Variants in ASB3 observed in about 807,000 individuals in gnomAD.
ASB3 encodes ankyrin repeat and SOCS box protein 3.
In ASB3, 41 loss-of-function variants were observed where a neutral mutation model predicts 54.5. That is an observed-to-expected ratio of 0.75 (90% CI 0.59 to 0.98). The LOEUF is 0.98. ASB3 is among the 50% of genes least tolerant of loss of function. The pLI is 0.00. For synonymous variants in ASB3, 266 were observed against 221.2 expected, an observed-to-expected ratio of 1.20 and a Z score of -1.80; for missense variants, 733 against 620.0, an observed-to-expected ratio of 1.18 and a Z score of -1.94.
intron 6 of ASB3, among the ~76,000 whole-genome samples, chr2:53,716,050 C>G (rs1385216508): frequency 6.6e-6 from 1 of 151,988 alleles, no homozygotes; most frequent in Non-Finnish European, 1.5e-5. Context: ...CAGGTATAAC[C>G]AAGTTACTAG....
intron 2 of ASB3, among the ~76,000 whole-genome samples, chr2:53,759,641 A>G (rs1174606919): frequency 6.6e-6 from 1 of 152,176 alleles, no homozygotes; most frequent in Non-Finnish European, 1.5e-5. Flanking sequence ...AAGGCTCTGG[A>G]ACAGGGAAAG....
chr2:53,720,258 T>C (rs1158436944), intron 5 of ASB3, among the ~76,000 whole-genome samples: 1 of 152,188 alleles, frequency 6.6e-6, no homozygotes, highest in Non-Finnish European at 1.5e-5. Flanking sequence ...TATATGTTGA[T>C]TGATGTCTCA....
At chr2:53,738,595 A>AGAATT (rs939286015) in intron 3 of ASB3, among the ~76,000 whole-genome samples, 2 of 152,222 alleles carry the variant, frequency 1.3e-5, no homozygotes, top group Non-Finnish European at 2.9e-5. Flanking sequence ...TCTAGAGATT[A>AGAATT]GAATTGAATT....
At chr2:53,743,594 T>C (rs1169135649) in intron 3 of ASB3, among the ~76,000 whole-genome samples, 5 of 152,134 alleles carry the variant, frequency 3.3e-5, no homozygotes, top group Non-Finnish European at 7.4e-5. Flanking sequence ...GTAAGAACAA[T>C]ATAAGGATAC....
At chr2:53,748,859 G>A (rs1033075734) in intron 3 of ASB3, among the ~76,000 whole-genome samples, 1 of 151,956 alleles carries the variant, frequency 6.6e-6, no homozygotes. Context: ...ATTGAATGAG[G>A]GCTGTAGACC....
intron 3 of ASB3, among the ~76,000 whole-genome samples, chr2:53,732,278 A>AAAT (rs1671363708): frequency 6.6e-6 from 1 of 152,214 alleles, no homozygotes; most frequent in African/African-American, 2.4e-5. Flanking sequence ...AGCTTTAAAA[A>AAAT]AATAACTGAA....
intron 9 of ASB3, among the ~76,000 whole-genome samples, chr2:53,673,329 G>C (rs1324588547): frequency 6.6e-6 from 1 of 152,192 alleles, no homozygotes; most frequent in Non-Finnish European, 1.5e-5. Context: ...TGCTCACATG[G>C]AGATAAGGGA....
chr2:53,674,019 T>A (rs1386540756), intron 9 of ASB3, among the ~76,000 whole-genome samples: 1 of 152,196 alleles, frequency 6.6e-6, no homozygotes, highest in Non-Finnish European at 1.5e-5. Context: ...ATATATGCAA[T>A]ATTTCAAAGC....
intron 3 of ASB3, among the ~76,000 whole-genome samples, chr2:53,735,303 C>A (rs1181192455): frequency 1.3e-5 from 2 of 152,144 alleles, no homozygotes; most frequent in East Asian, 1.9e-4. Context: ...TTGCTCCTAA[C>A]TGAACTTTCC....
At chr2:53,783,166 G>C (rs747846105) in intron 1 of ASB3, among the ~76,000 whole-genome samples, 7 of 152,006 alleles carry the variant, frequency 4.6e-5, no homozygotes, top group Non-Finnish European at 7.4e-5. Flanking sequence ...CCGGGAATGG[G>C]ACATAAATAT....
At chr2:53,700,161 C>T in intron 8 of ASB3, 110 bp downstream of exon 8, 1 of 1,489,652 alleles carries the variant, frequency 6.7e-7, no homozygotes, top group Admixed American at 2.3e-5. Context: ...TCAGCCATCA[C>T]AGTCAAAACA....
intron 8 of ASB3, among the ~76,000 whole-genome samples, chr2:53,698,665 T>A (rs1027290124): frequency 2.6e-5 from 4 of 152,192 alleles, no homozygotes; most frequent in Non-Finnish European, 5.9e-5. Context: ...TGGCCTTTAC[T>A]CCACTTTCCA....
chr2:53,670,390 C>T lies in ASB3; in HGVS notation c.*113G>A. On this transcript the variant is annotated 3_prime_UTR_variant, in exon 10 of 10. Coordinates refer to ENST00000263634, the MANE Select transcript of ASB3 (RefSeq NM_016115.5). ...GCCCCCCAAAACCTAACCTATCTCA[C>T]AATCAATAATCATCTTTTGACTATA... The T allele has an allele frequency of 8.7e-7, 1 of 1,144,102 alleles. No individual in the cohort carries two copies. Among genetic ancestry groups the T allele is most frequent in the Non-Finnish European group, 1.1e-6 (1 of 872,020 alleles). The allele number at this position is 1,144,102 out of a possible 1,614,324, so 70.9% of individuals were successfully genotyped here.
intron 1 of ASB3, chr2:53,767,679 A>G: frequency 1.7e-6 from 1 of 604,786 alleles, no homozygotes; most frequent in Non-Finnish European, 2.9e-6. Context: ...ATGCCTCTTG[A>G]CACCCTAATC....
chr2:53,768,059 T>A, intron 1 of ASB3: 1 of 1,606,250 alleles, frequency 6.2e-7, no homozygotes, highest in South Asian at 1.1e-5. Context: ...TACTGCCCCC[T>A]GACCCCTGCT....
chr2:53,701,835 T>C (rs1397454452), intron 7 of ASB3, among the ~76,000 whole-genome samples: 1 of 152,170 alleles, frequency 6.6e-6, no homozygotes, highest in Non-Finnish European at 1.5e-5. Flanking sequence ...ATGCCCAAAA[T>C]TCTGTAAACA....
chr2:53,717,169 A>G (rs1183941114), intron 5 of ASB3, among the ~76,000 whole-genome samples: 1 of 152,228 alleles, frequency 6.6e-6, no homozygotes, highest in Non-Finnish European at 1.5e-5. Flanking sequence ...TTTCATTCCA[A>G]TCCCTCCTCC....
At chr2:53,765,638 TC>T in intron 1 of ASB3, 53 bp from the exon 2 acceptor site, 1 of 1,602,194 alleles carries the variant, frequency 6.2e-7, no homozygotes, top group Non-Finnish European at 8.5e-7. Flanking sequence ...AACACTTCAC[TC>T]CTAGAGGTCA....
At chr2:53,763,611 AG>A (rs1673272154) in intron 2 of ASB3, 1 of 169,326 alleles carries the variant, frequency 5.9e-6, no homozygotes, top group South Asian at 2.0e-4. Flanking sequence ...GGACAACTGT[AG>A]AGATGAATTT....
Sources: gnomAD v4.1 joint callset for allele counts (sites outside exome capture counted in the v4.1 genomes callset) on GRCh38, gnomAD v4.1.1 for gene constraint, MANE v1.5 for transcripts, NCBI Gene and HGNC (gene_info 2026-07-23, HGNC 2026-07-21) for gene names.